Variants in ANKRD6 observed in about 807,000 individuals in gnomAD.
ANKRD6 encodes ankyrin repeat domain-containing protein 6.
In ANKRD6, 56 loss-of-function variants were observed where a neutral mutation model predicts 82.3. The observed-to-expected ratio is 0.68, with a 90% confidence interval of 0.55 to 0.85. The LOEUF (loss-of-function observed/expected upper bound fraction) is 0.85. Ranked by LOEUF, ANKRD6 falls within the 40% of genes least tolerant of loss-of-function variation. ANKRD6 has a pLI of 0.00. For missense variants in ANKRD6, 852 were observed against 907.6 expected (o/e 0.94, Z 0.79); for synonymous variants, 347 against 352.1 (o/e 0.99, Z 0.16).
chr6:89,607,044 GCCGTCATC>G (rs951984529), intron 5 of ANKRD6, among the ~76,000 whole-genome samples: 1 of 151,968 alleles, frequency 6.6e-6, no homozygotes, highest in Non-Finnish European at 1.5e-5. Context: ...GGTGGTGCAT[GCCGTCATC>G]CCAGCTACTC....
chr6:89,547,414 A>G (rs1033180685), intron 1 of ANKRD6, among the ~76,000 whole-genome samples: 1 of 152,160 alleles, frequency 6.6e-6, no homozygotes, highest in Non-Finnish European at 1.5e-5. Flanking sequence ...GCTCTTGCCC[A>G]TGACTGAGGA....
chr6:89,633,542 CAG>C lies in ANKRD6; in HGVS notation c.*2540_*2541del, dbSNP rs767471543. On this transcript the variant is annotated 3_prime_UTR_variant, in exon 16 of 16. Transcript: ENST00000339746. ...AACAGCTGTGGGAAAAACTAAAACA[CAG>C]AAATACTGTACAGTATTAGTGTTTT... The C allele has an allele frequency of 2.0e-5, 3 of 152,104 alleles. No homozygotes were observed. Among genetic ancestry groups the C allele is most frequent in the Non-Finnish European group, 4.4e-5 (3 of 68,014 alleles). The allele number at this position is 152,104 out of a possible 1,614,324, so 9.4% of individuals were successfully genotyped here. A position where few individuals can be genotyped will look rare whatever the true frequency, so the allele number is the denominator to read the frequency against.
intron 14 of ANKRD6, 52 bp downstream of exon 14, chr6:89,627,748 A>T (rs1307014496): frequency 4.5e-6 from 7 of 1,552,746 alleles, no homozygotes; most frequent in Non-Finnish European, 6.2e-6. Context: ...ACACAGGCCC[A>T]CTGAGCTCAG....
intron 1 of ANKRD6, among the ~76,000 whole-genome samples, chr6:89,554,212 G>A (rs1786256232): frequency 6.6e-6 from 1 of 152,232 alleles, no homozygotes. Flanking sequence ...GGCAGAGTCT[G>A]AAATCAAGCC....
At chr6:89,576,952 C>CA (rs1791249488) in intron 2 of ANKRD6, among the ~76,000 whole-genome samples, 1 of 151,688 alleles carries the variant, frequency 6.6e-6, no homozygotes, top group African/African-American at 2.4e-5. Context: ...TTTTTTGAGA[C>CA]AAGAGTCTCA....
chr6:89,627,776 A>C, intron 14 of ANKRD6, 80 bp downstream of exon 14: 1 of 1,262,748 alleles, frequency 7.9e-7, no homozygotes, highest in Non-Finnish European at 1.1e-6. Flanking sequence ...TGCCACTGAA[A>C]ACTCAGAGGC....
At chr6:89,532,906 G>A (rs568068345) in intron 1 of ANKRD6, among the ~76,000 whole-genome samples, 13 of 147,152 alleles carry the variant, frequency 8.8e-5, no homozygotes, top group Admixed American at 3.4e-4. Context: ...ATGGAGTCTC[G>A]CTCTGTTGCC....
intron 3 of ANKRD6, among the ~76,000 whole-genome samples, chr6:89,596,618 T>C (rs950224847): frequency 2.6e-5 from 4 of 152,154 alleles, no homozygotes; most frequent in Admixed American, 2.6e-4. Flanking sequence ...CCAACTCAGC[T>C]CTGAGTCTAT....
chr6:89,524,037 C>T (rs944351160), intron 1 of ANKRD6, among the ~76,000 whole-genome samples: 2 of 152,108 alleles, frequency 1.3e-5, no homozygotes, highest in African/African-American at 4.8e-5. Context: ...CCAGGAGAGC[C>T]AGACTAGCAG....
intron 1 of ANKRD6, among the ~76,000 whole-genome samples, chr6:89,447,865 T>TTTTTTTTTTTTTTTTC (rs1772301254): frequency 4.7e-5 from 7 of 149,964 alleles, no homozygotes; most frequent in African/African-American, 1.5e-4. Flanking sequence ...TTTTTTTTTT[T>TTTTTTTTTTTTTTTTC]CAGTAGAGAT....
intron 1 of ANKRD6, among the ~76,000 whole-genome samples, chr6:89,434,040 AC>A (rs1770307148): frequency 1.3e-5 from 2 of 152,070 alleles, no homozygotes; most frequent in Admixed American, 6.5e-5. Context: ...CCCAAGAGGG[AC>A]TTGAATGTCT....
chr6:89,532,610 T>A (rs1225079984), intron 1 of ANKRD6, among the ~76,000 whole-genome samples: 1 of 152,230 alleles, frequency 6.6e-6, no homozygotes, highest in African/African-American at 2.4e-5. Flanking sequence ...CTTATCTGTT[T>A]TGCCATTACA....
At chr6:89,594,079 C>A (rs191413048) in intron 2 of ANKRD6, among the ~76,000 whole-genome samples, 8 of 152,218 alleles carry the variant, frequency 5.3e-5, no homozygotes, top group African/African-American at 1.9e-4. Flanking sequence ...AATAAGTGAA[C>A]CAGAACTACA....
rs184824622 is a variant in ANKRD6, at chr6:89,437,317, G to A, written c.-144+3942G>A. Among the ~76,000 whole-genome samples the A allele has an allele frequency of 3.0e-4, 46 of 152,044 alleles. 1 individual carries two copies. The South Asian group carries it at 7.9e-3, about 26-fold the overall frequency. ...TTCTGCTCAGACCCCAGATAAGCCC[G>A]ACCAGTTCTTTTTCCTCAGAGCCCC... On this transcript the variant is annotated intron_variant, in intron 1 of 15. Transcript: ENST00000339746.
chr6:89,440,820 A>T (rs1440902409), intron 1 of ANKRD6, among the ~76,000 whole-genome samples: 1 of 151,790 alleles, frequency 6.6e-6, no homozygotes, highest in African/African-American at 2.4e-5. Flanking sequence ...AAAAAAAAAA[A>T]GTTGTACTAG....
intron 5 of ANKRD6, among the ~76,000 whole-genome samples, chr6:89,609,394 C>T (rs1302815608): frequency 4.6e-5 from 7 of 152,048 alleles, no homozygotes; most frequent in Non-Finnish European, 7.4e-5. Flanking sequence ...CTCCGCCTCC[C>T]GGGTTCAAGC....
chr6:89,442,099 A>C (rs188098164), intron 1 of ANKRD6, among the ~76,000 whole-genome samples: 163 of 151,902 alleles, frequency 1.1e-3, no homozygotes, highest in African/African-American at 3.7e-3. Context: ...AGGTTCAAGC[A>C]CTTCTCGTGC....
chr6:89,474,615 C>T (rs1159006714), intron 1 of ANKRD6, among the ~76,000 whole-genome samples: 1 of 152,142 alleles, frequency 6.6e-6, no homozygotes, highest in African/African-American at 2.4e-5. Context: ...GACGGGGTTT[C>T]ACTGTGTTAG....
chr6:89,575,584 G>A (rs1790933125), intron 2 of ANKRD6, among the ~76,000 whole-genome samples: 1 of 152,100 alleles, frequency 6.6e-6, no homozygotes, highest in Admixed American at 6.5e-5. Context: ...AGCTCAATAT[G>A]CCCAGGTACT....
Sources: allele counts gnomAD v4.1 joint callset (sites outside exome capture counted in the v4.1 genomes callset), GRCh38; gene constraint gnomAD v4.1.1; transcripts MANE v1.5; gene names NCBI Gene and HGNC (gene_info 2026-07-23, HGNC 2026-07-21).